Variants in SCHIP1 observed in about 807,000 individuals in gnomAD.
SCHIP1 encodes the protein schwannomin interacting protein 1.
SCHIP1 carries 8 observed loss-of-function variants against 29.7 expected under a neutral mutation model. The observed-to-expected ratio is 0.27, with a 90% confidence interval of 0.16 to 0.49. The LOEUF is 0.49. SCHIP1 is among the 20% of genes least tolerant of loss of function. The pLI is 0.99. For missense variants in SCHIP1, 193 were observed against 294.6 expected (o/e 0.66, Z 2.52); for synonymous variants, 76 against 94.9 (o/e 0.80, Z 1.16).
chr3:159,711,976 C>T, the SCHIP1 span, among the ~76,000 whole-genome samples: 3 of 150,938 alleles, frequency 2.0e-5, no homozygotes, highest in Admixed American at 6.8e-5. Context: ...CTGCTGGTTC[C>T]AGAGCCATGC....
At chr3:159,328,020 C>G in the SCHIP1 span, among the ~76,000 whole-genome samples, 2 of 152,200 alleles carry the variant, frequency 1.3e-5, no homozygotes, top group Non-Finnish European at 1.5e-5. Context: ...CTGTCCAATT[C>G]AGCAAATACT....
the SCHIP1 span, among the ~76,000 whole-genome samples, chr3:159,662,903 G>C: frequency 6.6e-6 from 1 of 152,192 alleles, no homozygotes; most frequent in Non-Finnish European, 1.5e-5. Flanking sequence ...GAATGACCTA[G>C]ACAATAGAAT....
At chr3:159,398,077 G>C in the SCHIP1 span, among the ~76,000 whole-genome samples, 1 of 152,264 alleles carries the variant, frequency 6.6e-6, no homozygotes, top group East Asian at 1.9e-4. Flanking sequence ...AGGTGGGAGT[G>C]ACCCGATTTT....
At chr3:159,288,080 T>C in the SCHIP1 span, among the ~76,000 whole-genome samples, 1 of 152,166 alleles carries the variant, frequency 6.6e-6, no homozygotes, top group Non-Finnish European at 1.5e-5. Context: ...ATCTTCTCAA[T>C]ACCACTTTGA....
the SCHIP1 span, among the ~76,000 whole-genome samples, chr3:159,717,299 C>A: frequency 6.6e-6 from 1 of 152,050 alleles, no homozygotes; most frequent in African/African-American, 2.4e-5. Flanking sequence ...AAAATTGACA[C>A]CCTAACATCA....
the SCHIP1 span, among the ~76,000 whole-genome samples, chr3:159,565,742 T>A: frequency 6.6e-6 from 1 of 152,246 alleles, no homozygotes; most frequent in African/African-American, 2.4e-5. Flanking sequence ...ATACATTTTT[T>A]CTTTCCTTCA....
the SCHIP1 span, among the ~76,000 whole-genome samples, chr3:159,618,451 CAT>C: frequency 0.052 from 7,938 of 152,172 alleles, 496 homozygotes; most frequent in East Asian, 0.17. Context: ...GTTTAGAAAA[CAT>C]ATGTATGTAC....
chr3:159,374,442 G>C, the SCHIP1 span, among the ~76,000 whole-genome samples: 1 of 152,156 alleles, frequency 6.6e-6, no homozygotes, highest in Non-Finnish European at 1.5e-5. Context: ...GTGGGAATCT[G>C]TGGGTACTAA....
chr3:159,854,804 A>C (rs1055377002), intron 1 of SCHIP1, among the ~76,000 whole-genome samples: 1 of 152,226 alleles, frequency 6.6e-6, no homozygotes, highest in Non-Finnish European at 1.5e-5. Context: ...GCACTTAGGA[A>C]AAATGAAACA....
chr3:159,728,500 C>A, the SCHIP1 span, among the ~76,000 whole-genome samples: 1 of 152,150 alleles, frequency 6.6e-6, no homozygotes, highest in African/African-American at 2.4e-5. Flanking sequence ...TAAGTAATGT[C>A]TTATTAAATT....
chr3:159,534,070 A>C, the SCHIP1 span, among the ~76,000 whole-genome samples: 2 of 152,156 alleles, frequency 1.3e-5, no homozygotes, highest in African/African-American at 4.8e-5. Flanking sequence ...TGGGGGTAAA[A>C]GACAACTGGA....
At chr3:159,659,841 C>G in the SCHIP1 span, among the ~76,000 whole-genome samples, 1 of 152,000 alleles carries the variant, frequency 6.6e-6, no homozygotes, top group Non-Finnish European at 1.5e-5. Flanking sequence ...AATAAGACAC[C>G]GATTTTTTTC....
the SCHIP1 span, among the ~76,000 whole-genome samples, chr3:159,597,233 T>C: frequency 1.3e-5 from 2 of 152,184 alleles, no homozygotes; most frequent in African/African-American, 4.8e-5. Flanking sequence ...TTTTTATTTG[T>C]ACAAACTTAT....
the SCHIP1 span, among the ~76,000 whole-genome samples, chr3:159,647,208 G>C: frequency 6.6e-6 from 1 of 152,144 alleles, no homozygotes; most frequent in South Asian, 2.1e-4. Context: ...CCAGAAGAGA[G>C]TGTCATCGAA....
chr3:159,849,487 A>G (rs1014700889), intron 1 of SCHIP1, among the ~76,000 whole-genome samples: 1 of 152,216 alleles, frequency 6.6e-6, no homozygotes, highest in African/African-American at 2.4e-5. Context: ...AATGAAATTC[A>G]TATTGTAGCT....
the SCHIP1 span, among the ~76,000 whole-genome samples, chr3:159,384,623 TA>T: frequency 2.0e-5 from 3 of 151,996 alleles, no homozygotes; most frequent in Non-Finnish European, 4.4e-5. Flanking sequence ...GCTGCCCTCA[TA>T]AAATGAGTTA....
chr3:159,865,836 C>T (rs554097071), intron 1 of SCHIP1, among the ~76,000 whole-genome samples: 1 of 152,300 alleles, frequency 6.6e-6, no homozygotes, highest in African/African-American at 2.4e-5. Flanking sequence ...AAAGTACTTG[C>T]CCTCCACAAC....
chr3:159,669,483 G>A, the SCHIP1 span, among the ~76,000 whole-genome samples: 4 of 152,202 alleles, frequency 2.6e-5, no homozygotes, highest in Non-Finnish European at 4.4e-5. Flanking sequence ...GATGTGATAG[G>A]ATTCTGTGTG....
chr3:159,689,090 T>C, the SCHIP1 span, among the ~76,000 whole-genome samples: 1 of 152,224 alleles, frequency 6.6e-6, no homozygotes, highest in Non-Finnish European at 1.5e-5. Flanking sequence ...GGCTCCTTTT[T>C]GGTTCCATAT....
Sources: allele counts gnomAD v4.1 joint callset (sites outside exome capture counted in the v4.1 genomes callset), GRCh38; gene constraint gnomAD v4.1.1; transcripts MANE v1.5; gene names NCBI Gene and HGNC (gene_info 2026-07-23, HGNC 2026-07-21).